DOCK4: variants seen among roughly 807,000 people sequenced by gnomAD.
DOCK4 encodes the protein dedicator of cytokinesis 4.
Under a neutral mutation model 268.1 loss-of-function variants are expected in DOCK4, and 97 were observed. That is an observed-to-expected ratio of 0.36 (90% CI 0.31 to 0.43). The LOEUF is 0.43. Ranked by LOEUF, DOCK4 falls within the 20% of genes least tolerant of loss-of-function variation. The pLI is 1.00. For synonymous variants in DOCK4, 954 were observed against 887.2 expected, an observed-to-expected ratio of 1.08 and a Z score of -1.34; for missense variants, 2,145 against 2,455.7, an observed-to-expected ratio of 0.87 and a Z score of 2.67.
chr7:111,903,105 A>G (rs976642182), intron 13 of DOCK4, among the ~76,000 whole-genome samples: 1 of 152,168 alleles, frequency 6.6e-6, no homozygotes, highest in African/African-American at 2.4e-5. Context: ...GTTTTATAAA[A>G]CTTCTTCGTC....
intron 1 of DOCK4, among the ~76,000 whole-genome samples, chr7:112,111,460 T>C (rs1811646257): frequency 6.6e-6 from 1 of 152,228 alleles, no homozygotes; most frequent in South Asian, 2.1e-4. Context: ...ACCACCAGTT[T>C]ATACTGACAT....
chr7:111,755,099 C>T (rs118014294), intron 42 of DOCK4, among the ~76,000 whole-genome samples: 196 of 152,186 alleles, frequency 1.3e-3, no homozygotes, highest in Middle Eastern at 3.4e-3. Context: ...GACCTCTTGT[C>T]AAAAATTGCA....
In DOCK4 at chr7:111,843,413, T is replaced by C. The variant is rs1198519021; in HGVS notation, c.2736+1350A>G. On this transcript the variant is annotated intron_variant, in intron 25 of 52. Transcript: ENST00000428084. ...CAGTGTAAAAAATGGCAAAAAGACA[T>C]GAAAAGACATTTCACTGAAGAGGAT... 2.0e-5 allele frequency among the ~76,000 whole-genome samples: 3 copies of C among 152,170 alleles called. No homozygotes were observed. The East Asian group carries it at 5.8e-4, about 29-fold the overall frequency.
intron 23 of DOCK4, among the ~76,000 whole-genome samples, chr7:111,857,503 T>C (rs1459028305): frequency 6.6e-6 from 1 of 152,262 alleles, no homozygotes; most frequent in Non-Finnish European, 1.5e-5. Flanking sequence ...TAGGTCTTTA[T>C]ATTTACTTCT....
chr7:111,836,202 CTT>C (rs531222718), intron 25 of DOCK4, among the ~76,000 whole-genome samples: 11 of 138,488 alleles, frequency 7.9e-5, no homozygotes, highest in Non-Finnish European at 3.1e-5. Context: ...ATAATAGAGC[CTT>C]TTTTTTTTTT....
chr7:111,983,862 GCACA>G (rs1554402961), intron 7 of DOCK4, among the ~76,000 whole-genome samples: 12 of 138,562 alleles, frequency 8.7e-5, no homozygotes, highest in South Asian at 4.8e-4. Context: ...GCGCGCGCGC[GCACA>G]CACACACACA....
chr7:112,018,029 A>G (rs1381568875), intron 1 of DOCK4, among the ~76,000 whole-genome samples: 1 of 151,760 alleles, frequency 6.6e-6, no homozygotes, highest in African/African-American at 2.4e-5. Context: ...TACTAAAAAA[A>G]ATACAAAAAA....
At chr7:111,914,143 C>T (rs1485713727) in intron 13 of DOCK4, among the ~76,000 whole-genome samples, 6 of 152,132 alleles carry the variant, frequency 3.9e-5, no homozygotes. Context: ...TTCTCCAACT[C>T]CTTTCGGGTT....
intron 1 of DOCK4, among the ~76,000 whole-genome samples, chr7:112,193,768 A>G (rs1164886340): frequency 1.3e-5 from 2 of 151,714 alleles, no homozygotes; most frequent in Non-Finnish European, 2.9e-5. Context: ...AATCCCTAAA[A>G]TGTCTTTAAC....
intron 27 of DOCK4, among the ~76,000 whole-genome samples, chr7:111,815,923 G>A (rs955097939): frequency 6.6e-6 from 1 of 151,982 alleles, no homozygotes; most frequent in African/African-American, 2.4e-5. Context: ...TGCCCGCCTC[G>A]GCCCCACTGT....
chr7:111,957,940 G>C (rs1796568300), intron 8 of DOCK4, among the ~76,000 whole-genome samples: 1 of 152,054 alleles, frequency 6.6e-6, no homozygotes, highest in Admixed American at 6.6e-5. Flanking sequence ...ACTTTTTTTA[G>C]CATGACAGTG....
intron 8 of DOCK4, among the ~76,000 whole-genome samples, chr7:111,949,784 G>C (rs1795907327): frequency 6.6e-6 from 1 of 151,890 alleles, no homozygotes; most frequent in Non-Finnish European, 1.5e-5. Flanking sequence ...AATGGTTTTG[G>C]ACAAAAAAAG....
chr7:111,811,925 G>A lies in DOCK4; in HGVS notation c.2955C>T (p.Tyr985=), dbSNP rs1291548089. ...AGTTCTTACGAAGTGCATCTGAGAGGTATAGAACTGTTGTAATAATAACAC... is the reference window on the plus strand; with the variant it reads ...AGTTCTTACGAAGTGCATCTGAGAGATATAGAACTGTTGTAATAATAACAC... ...ANNVIITTVL[Y]LSDALRKNFL... is the part of the protein sequence containing the mutation. The change falls in exon 28 of 53, where the codon TAC becomes TAT. Residue 985 remains tyrosine, a synonymous_variant. Transcript: ENST00000428084. The A allele has an allele frequency of 9.8e-6, 15 of 1,523,590 alleles. No homozygotes were observed. Among genetic ancestry groups the A allele is most frequent in the East Asian group, 2.5e-5 (1 of 40,582 alleles). The allele number at this position is 1,523,590 out of a possible 1,614,324, so 94.4% of individuals were successfully genotyped here. A position where few individuals can be genotyped will look rare whatever the true frequency, so the allele number is the denominator to read the frequency against.
intron 51 of DOCK4, 88 bp from the exon 52 acceptor site, chr7:111,732,375 C>G: frequency 2.9e-6 from 4 of 1,371,868 alleles, no homozygotes; most frequent in Non-Finnish European, 4.1e-6. Context: ...CAAACCCAAA[C>G]AGATGATCCA....
At chr7:111,948,533 A>G (rs1360827161) in intron 8 of DOCK4, among the ~76,000 whole-genome samples, 1 of 152,048 alleles carries the variant, frequency 6.6e-6, no homozygotes, top group East Asian at 1.9e-4. Flanking sequence ...GAGAATCCTG[A>G]TTTAGCAGGT....
intron 1 of DOCK4, among the ~76,000 whole-genome samples, chr7:112,142,462 G>T (rs1199590516): frequency 1.3e-5 from 2 of 152,102 alleles, no homozygotes; most frequent in Non-Finnish European, 2.9e-5. Flanking sequence ...TTACTCCTTT[G>T]CCTTTCAACT....
intron 1 of DOCK4, among the ~76,000 whole-genome samples, chr7:112,145,932 C>T (rs935747005): frequency 1.3e-5 from 2 of 152,002 alleles, no homozygotes; most frequent in South Asian, 2.1e-4. Flanking sequence ...GCTTAAACTG[C>T]GTACTATATT....
At chr7:111,746,451 T>C in intron 43 of DOCK4, 34 bp from the exon 44 acceptor site, 1 of 1,489,708 alleles carries the variant, frequency 6.7e-7, no homozygotes, top group Non-Finnish European at 9.1e-7. Flanking sequence ...TCTACTTTAG[T>C]GGAGTACAAG....
At chr7:111,937,108 A>AAAAC (rs149708258) in intron 11 of DOCK4, among the ~76,000 whole-genome samples, 24 of 152,044 alleles carry the variant, frequency 1.6e-4, no homozygotes, top group African/African-American at 5.3e-4. Context: ...CTCAAAACTC[A>AAAAC]AAACAAACAA....
Sources: gnomAD v4.1 joint callset for allele counts (sites outside exome capture counted in the v4.1 genomes callset) on GRCh38, gnomAD v4.1.1 for gene constraint, MANE v1.5 for transcripts, NCBI Gene and HGNC (gene_info 2026-07-23, HGNC 2026-07-21) for gene names.